Variants in SPATA17 observed in about 807,000 individuals in gnomAD.
SPATA17 encodes the protein spermatogenesis-associated protein 17.
SPATA17 carries 53 observed loss-of-function variants against 62.2 expected under a neutral mutation model. The observed-to-expected ratio is 0.85, with a 90% CI of 0.68 to 1.07. The LOEUF (loss-of-function observed/expected upper bound fraction) is 1.07, where lower values mean the gene tolerates loss of function less well. Among genes scored for constraint, SPATA17 ranks in the 50% least tolerant of loss-of-function variants. The probability of loss-of-function intolerance (pLI) is 0.00; values close to 1 mark genes in which losing one functional copy is unlikely to be tolerated. For synonymous variants in SPATA17, 146 were observed against 146.8 expected, an observed-to-expected ratio of 0.99 and a Z score of 0.04; for missense variants, 466 against 425.5, an observed-to-expected ratio of 1.10 and a Z score of -0.84.
At chr1:217,853,615 A>G (rs528520891) in intron 9 of SPATA17, among the ~76,000 whole-genome samples, 1 of 152,280 alleles carries the variant, frequency 6.6e-6, no homozygotes, top group Non-Finnish European at 1.5e-5. Flanking sequence ...CTATAAAGTC[A>G]CCTCAAACAC....
At chr1:217,682,427 C>G (rs979116314) in intron 4 of SPATA17, among the ~76,000 whole-genome samples, 8 of 150,664 alleles carry the variant, frequency 5.3e-5, no homozygotes, top group Non-Finnish European at 1.0e-4. Context: ...ATTTGAATGT[C>G]AGCATTGAAG....
chr1:217,732,126 A>T (rs1016378794), intron 5 of SPATA17, among the ~76,000 whole-genome samples: 4 of 137,030 alleles, frequency 2.9e-5, no homozygotes, highest in African/African-American at 1.1e-4. Context: ...ACTATTTTGT[A>T]ATAGTTTCTT....
chr1:217,725,383 A>T (rs1672236565), intron 5 of SPATA17, among the ~76,000 whole-genome samples: 2 of 152,186 alleles, frequency 1.3e-5, no homozygotes, highest in Non-Finnish European at 2.9e-5. Context: ...ATTGTGGCTT[A>T]TTTTTAAAAT....
At chr1:217,829,627 CAAAAAAAA>C (rs397982930) in intron 9 of SPATA17, among the ~76,000 whole-genome samples, 9 of 46,756 alleles carry the variant, frequency 1.9e-4, no homozygotes, top group Middle Eastern at 0.031. Context: ...GACTCCATCT[CAAAAAAAA>C]AAAAAAAAAA....
chr1:217,823,979 G>A (rs184077479), intron 9 of SPATA17, among the ~76,000 whole-genome samples: 9 of 151,946 alleles, frequency 5.9e-5, no homozygotes, highest in African/African-American at 1.4e-4. Flanking sequence ...TTCACTTTCA[G>A]TTTGTTTCCT....
At chr1:217,830,636 C>T (rs1042510666) in intron 9 of SPATA17, among the ~76,000 whole-genome samples, 4 of 152,114 alleles carry the variant, frequency 2.6e-5, no homozygotes, top group Non-Finnish European at 4.4e-5. Flanking sequence ...TATTTAGTTA[C>T]ACATTCATAT....
chr1:217,782,081 G>A, intron 7 of SPATA17, 93 bp from the exon 8 acceptor site: 1 of 1,254,100 alleles, frequency 8.0e-7, no homozygotes, highest in East Asian at 2.6e-5. Context: ...TAGTAAACCT[G>A]CTATACTTTG....
At chr1:217,744,609 C>A (rs1672705729) in intron 6 of SPATA17, among the ~76,000 whole-genome samples, 1 of 151,890 alleles carries the variant, frequency 6.6e-6, no homozygotes, top group Non-Finnish European at 1.5e-5. Context: ...TTTTCTCCTT[C>A]TTTATACCAT....
intron 5 of SPATA17, among the ~76,000 whole-genome samples, chr1:217,706,613 G>A (rs745681574): frequency 3.3e-5 from 5 of 152,142 alleles, no homozygotes; most frequent in African/African-American, 9.7e-5. Flanking sequence ...GTTTCCTAAG[G>A]CTTCCACAGT....
chr1:217,847,887 T>C (rs747331585), intron 9 of SPATA17, among the ~76,000 whole-genome samples: 68 of 151,918 alleles, frequency 4.5e-4, no homozygotes, highest in Non-Finnish European at 5.7e-4. Flanking sequence ...AAAAAATTAG[T>C]TGGGCATGGT....
intron 4 of SPATA17, among the ~76,000 whole-genome samples, chr1:217,676,884 G>C (rs1670958999): frequency 6.6e-6 from 1 of 152,056 alleles, no homozygotes; most frequent in Non-Finnish European, 1.5e-5. Context: ...GAATGTTAAA[G>C]AACTACAGAT....
At chr1:217,862,623 AC>A (rs781286808) in intron 9 of SPATA17, 150 bp from the exon 10 acceptor site, 13 of 563,738 alleles carry the variant, frequency 2.3e-5, no homozygotes, top group Non-Finnish European at 3.7e-5. Flanking sequence ...TCAAAAATTT[AC>A]CTGCTAATTT....
At chr1:217,835,067 A>C (rs1258706883) in intron 9 of SPATA17, among the ~76,000 whole-genome samples, 1 of 152,176 alleles carries the variant, frequency 6.6e-6, no homozygotes, top group Non-Finnish European at 1.5e-5. Context: ...GGTGTGTAGT[A>C]GATTATACCA....
intron 4 of SPATA17, among the ~76,000 whole-genome samples, chr1:217,671,459 G>T (rs1670830990): frequency 6.6e-6 from 1 of 152,058 alleles, no homozygotes; most frequent in Admixed American, 6.5e-5. Context: ...AAATTTCGTG[G>T]TCAAAGTGTT....
At chr1:217,742,158 A>G in intron 6 of SPATA17, 60 bp downstream of exon 6, 1 of 1,587,344 alleles carries the variant, frequency 6.3e-7, no homozygotes, top group Non-Finnish European at 8.6e-7. Context: ...CCTGACAAAG[A>G]TAAACTAGCA....
chr1:217,730,335 A>G (rs1672375928), intron 5 of SPATA17, among the ~76,000 whole-genome samples: 1 of 151,256 alleles, frequency 6.6e-6, no homozygotes, highest in Non-Finnish European at 1.5e-5. Context: ...CTCCTGCCTC[A>G]GCCTCAGAGT....
At position 217,631,361 on chromosome 1, in the gene SPATA17, A is replaced by G. The variant is rs1050357606; in HGVS notation, c.-18A>G. The stretch of plus-strand genomic sequence containing the variant: ...AGACCGGTAGTAACACCAGTTGTAA[A>G]CCCAAGGCCAAGAGACCATGGCCAC... On this transcript the variant is annotated 5_prime_UTR_variant, in exon 1 of 11. Transcript: ENST00000366933. 3.7e-6 allele frequency: 6 copies of G among 1,613,932 alleles called. No homozygotes were observed. The African/African-American group carries it at 8.0e-5, about 22-fold the overall frequency.
intron 5 of SPATA17, among the ~76,000 whole-genome samples, chr1:217,726,074 C>CT (rs1368145808): frequency 6.6e-6 from 1 of 152,068 alleles, no homozygotes; most frequent in Non-Finnish European, 1.5e-5. Context: ...ACCAAAATCT[C>CT]TAATTGTCTA....
intron 8 of SPATA17, among the ~76,000 whole-genome samples, chr1:217,788,803 T>C (rs1442511927): frequency 1.3e-5 from 2 of 152,194 alleles, no homozygotes; most frequent in South Asian, 2.1e-4. Flanking sequence ...TCAAGAATGA[T>C]AAGTTAATAA....
Sources: allele counts gnomAD v4.1 joint callset (sites outside exome capture counted in the v4.1 genomes callset), GRCh38; gene constraint gnomAD v4.1.1; transcripts MANE v1.5; gene names NCBI Gene and HGNC (gene_info 2026-07-23, HGNC 2026-07-21).